KCNIP4: variants seen among roughly 807,000 people sequenced by gnomAD.
The protein encoded by KCNIP4 is Kv channel-interacting protein 4.
A neutral mutation model predicts 34.0 loss-of-function variants in KCNIP4; 12 were observed. The ratio of observed to expected loss-of-function variants is 0.35; its 90% CI spans 0.23 to 0.57. The LOEUF (loss-of-function observed/expected upper bound fraction) is 0.57, where lower values mean the gene tolerates loss of function less well. KCNIP4 is among the 20% of genes least tolerant of loss of function. KCNIP4 has a pLI of 0.83. For synonymous variants in KCNIP4, 124 were observed against 102.2 expected (o/e 1.21, Z -1.29); for missense variants, 238 against 311.7 (o/e 0.76, Z 1.78).
At chr4:21,140,956 T>A (rs1485652911) in intron 1 of KCNIP4, among the ~76,000 whole-genome samples, 1 of 152,194 alleles carries the variant, frequency 6.6e-6, no homozygotes, top group Non-Finnish European at 1.5e-5. Context: ...TTGCAGTTGA[T>A]CCTTTTGGTC....
intron 1 of KCNIP4, among the ~76,000 whole-genome samples, chr4:21,558,002 T>C (rs941389604): frequency 1.3e-5 from 2 of 152,164 alleles, no homozygotes; most frequent in African/African-American, 4.8e-5. Flanking sequence ...AGAGTCTGAA[T>C]ACAGTCTACT....
intron 1 of KCNIP4, among the ~76,000 whole-genome samples, chr4:21,243,632 C>T (rs1760003337): frequency 6.6e-6 from 1 of 152,106 alleles, no homozygotes; most frequent in African/African-American, 2.4e-5. Flanking sequence ...ACTAGAAACT[C>T]TCAGCTGTAA....
chr4:21,575,727 A>G (rs768529478), intron 1 of KCNIP4, among the ~76,000 whole-genome samples: 1 of 152,220 alleles, frequency 6.6e-6, no homozygotes, highest in African/African-American at 2.4e-5. Flanking sequence ...ATAGTTTATA[A>G]CAAACCAAAT....
intron 1 of KCNIP4, among the ~76,000 whole-genome samples, chr4:21,498,519 TAAATCAATGGATGAACAG>T (rs147181037): frequency 0.038 from 5,751 of 152,300 alleles, 327 homozygotes; most frequent in African/African-American, 0.12. Flanking sequence ...AGCAACCCAA[TAAATCAATGGATGAACAG>T]ATTGATGGAT....
At chr4:21,826,426 C>T (rs137913318) in intron 1 of KCNIP4, among the ~76,000 whole-genome samples, 1 of 152,222 alleles carries the variant, frequency 6.6e-6, no homozygotes, top group East Asian at 1.9e-4. Flanking sequence ...ATTTCCTATA[C>T]ATTTCCCACT....
chr4:21,214,188 C>T (rs1245451257), intron 1 of KCNIP4, among the ~76,000 whole-genome samples: 1 of 152,146 alleles, frequency 6.6e-6, no homozygotes, highest in Non-Finnish European at 1.5e-5. Flanking sequence ...ATTTTGACAA[C>T]TAAGTTATTC....
intron 2 of KCNIP4, among the ~76,000 whole-genome samples, chr4:20,855,975 A>T (rs186732009): frequency 6.6e-6 from 1 of 152,314 alleles, no homozygotes; most frequent in East Asian, 1.9e-4. Context: ...AGCTGGAAAA[A>T]GGCACCTAGG....
Position 21,694,936 on chromosome 4 carries a change from ATAAAT to A in KCNIP4, c.61+253630_61+253634del, listed in dbSNP as rs1251167366. ...GACCAAAAAAAAAAAAAAAATAAAA[ATAAAT>A]AAATAAATAAAGGGCTTTTTGGTAA... On this transcript the variant is annotated intron_variant, in intron 1 of 8. Transcript: ENST00000382152. 1.5e-3 allele frequency among the ~76,000 whole-genome samples: 177 copies of A among 120,748 alleles called. 8 individuals carry two copies. The highest frequency in any genetic ancestry group is 4.8e-3 in the African/African-American group (159 of 33,390). The allele number at this position is 120,748 out of a possible 152,430, so 79.2% of individuals were successfully genotyped here.
intron 1 of KCNIP4, among the ~76,000 whole-genome samples, chr4:21,840,661 T>C (rs1662476137): frequency 6.6e-6 from 1 of 152,176 alleles, no homozygotes; most frequent in African/African-American, 2.4e-5. Context: ...AGCCAAGAAA[T>C]GAGCAAGGCT....
At chr4:20,907,937 T>C (rs1382317700) in intron 1 of KCNIP4, among the ~76,000 whole-genome samples, 1 of 152,084 alleles carries the variant, frequency 6.6e-6, no homozygotes, top group African/African-American at 2.4e-5. Flanking sequence ...TAATTCCTTA[T>C]GGACATTTAA....
intron 1 of KCNIP4, among the ~76,000 whole-genome samples, chr4:21,883,496 A>G (rs1726581245): frequency 6.6e-6 from 1 of 152,054 alleles, no homozygotes; most frequent in Admixed American, 6.6e-5. Context: ...TGATAAAGGT[A>G]TATTAATATA....
intron 1 of KCNIP4, among the ~76,000 whole-genome samples, chr4:21,123,693 A>T (rs567111495): frequency 6.6e-6 from 1 of 152,294 alleles, no homozygotes; most frequent in East Asian, 1.9e-4. Flanking sequence ...CTAACCCCCA[A>T]TGTGATGATA....
At chr4:21,496,887 C>T (rs968059788) in intron 1 of KCNIP4, among the ~76,000 whole-genome samples, 1 of 152,294 alleles carries the variant, frequency 6.6e-6, no homozygotes, top group African/African-American at 2.4e-5. Flanking sequence ...CCCAAACCAT[C>T]CCCGCCCTGC....
At chr4:20,741,118 A>C (rs1750974435) in intron 5 of KCNIP4, among the ~76,000 whole-genome samples, 1 of 152,156 alleles carries the variant, frequency 6.6e-6, no homozygotes, top group Non-Finnish European at 1.5e-5. Context: ...ACACAATAAT[A>C]ATGGGAGGCT....
At chr4:21,381,568 G>C (rs1050932879) in intron 1 of KCNIP4, among the ~76,000 whole-genome samples, 1 of 152,172 alleles carries the variant, frequency 6.6e-6, no homozygotes, top group Non-Finnish European at 1.5e-5. Context: ...GTGTAACAGA[G>C]CTCAACCACT....
At chr4:20,778,600 C>T (rs955775294) in intron 3 of KCNIP4, among the ~76,000 whole-genome samples, 1 of 152,132 alleles carries the variant, frequency 6.6e-6, no homozygotes, top group African/African-American at 2.4e-5. Context: ...TACCTGGTGA[C>T]CTCCTTGGAC....
intron 1 of KCNIP4, among the ~76,000 whole-genome samples, chr4:21,078,321 C>A (rs1379368309): frequency 1.3e-5 from 2 of 151,982 alleles, no homozygotes; most frequent in East Asian, 3.9e-4. Context: ...AAACATTATG[C>A]TGAGTGGTGT....
intron 1 of KCNIP4, among the ~76,000 whole-genome samples, chr4:21,228,426 A>T (rs1456303363): frequency 1.3e-5 from 2 of 151,852 alleles, no homozygotes; most frequent in African/African-American, 4.8e-5. Flanking sequence ...AGTCAATGAA[A>T]CCTCTCTTCT....
intron 1 of KCNIP4, among the ~76,000 whole-genome samples, chr4:21,833,144 T>C (rs969753652): frequency 6.6e-6 from 1 of 151,502 alleles, no homozygotes; most frequent in African/African-American, 2.4e-5. Flanking sequence ...TTTCTAGTTC[T>C]AGATCCCTGA....
Sources: gnomAD v4.1 joint callset for allele counts (sites outside exome capture counted in the v4.1 genomes callset) on GRCh38, gnomAD v4.1.1 for gene constraint, MANE v1.5 for transcripts, NCBI Gene and HGNC (gene_info 2026-07-23, HGNC 2026-07-21) for gene names.